MRPL47: variants seen among roughly 807,000 people sequenced by gnomAD.
The protein encoded by MRPL47 is large ribosomal subunit protein uL29m.
MRPL47 carries 31 observed loss-of-function variants against 34.0 expected under a neutral mutation model. The observed-to-expected ratio is 0.91, with a 90% CI of 0.68 to 1.23. The LOEUF is 1.23. Among genes scored for constraint, MRPL47 ranks in the 50% most tolerant of loss-of-function variants. The pLI, the probability that MRPL47 is intolerant of heterozygous loss-of-function variation, is 0.00. For missense variants in MRPL47, 328 were observed against 285.8 expected, an observed-to-expected ratio of 1.15 and a Z score of -1.07; for synonymous variants, 106 against 101.6, an observed-to-expected ratio of 1.04 and a Z score of -0.26.
chr3:179,592,610 G>C (rs1718701455), intron 6 of MRPL47, 34 bp downstream of exon 6: 1 of 1,295,428 alleles, frequency 7.7e-7, no homozygotes, highest in Non-Finnish European at 1.1e-6. Flanking sequence ...CTGGTATAAA[G>C]ATAATATGTT....
At chr3:179,593,672 T>C (rs902301579) in intron 5 of MRPL47, 93 bp downstream of exon 5, 5 of 1,200,576 alleles carry the variant, frequency 4.2e-6, no homozygotes, top group African/African-American at 1.6e-5. Flanking sequence ...TTATCTCATA[T>C]GGTACAAATT....
At chr3:179,601,985 T>C (rs898055377) in intron 2 of MRPL47, among the ~76,000 whole-genome samples, 195 bp from the exon 3 acceptor site, 2 of 152,208 alleles carry the variant, frequency 1.3e-5, no homozygotes, top group Admixed American at 1.3e-4. Context: ...TGACTGGCAA[T>C]AGCATTCAAA....
intron 6 of MRPL47, among the ~76,000 whole-genome samples, chr3:179,589,198 A>G (rs1309400170): frequency 6.6e-6 from 1 of 152,190 alleles, no homozygotes; most frequent in Non-Finnish European, 1.5e-5. Context: ...TATACCAACT[A>G]TCCCTATTTC....
At chr3:179,600,717 A>G (rs889423544) in intron 3 of MRPL47, among the ~76,000 whole-genome samples, 7 of 152,180 alleles carry the variant, frequency 4.6e-5, no homozygotes, top group African/African-American at 1.7e-4. Flanking sequence ...AAGTAGACAT[A>G]GTGAAAGAAC....
At chr3:179,590,570 C>G (rs1718651135) in intron 6 of MRPL47, among the ~76,000 whole-genome samples, 1 of 151,856 alleles carries the variant, frequency 6.6e-6, no homozygotes, top group South Asian at 2.1e-4. Context: ...GGAAACAAGG[C>G]AAGAGTTCTG....
intron 3 of MRPL47, among the ~76,000 whole-genome samples, 194 bp from the exon 4 acceptor site, chr3:179,598,965 C>T (rs917594402): frequency 6.6e-6 from 1 of 151,944 alleles, no homozygotes; most frequent in Non-Finnish European, 1.5e-5. Context: ...TCAATACCAG[C>T]CTGGGCAACA....
At chr3:179,604,349 G>T (rs1458143365) in intron 1 of MRPL47, among the ~76,000 whole-genome samples, 178 bp downstream of exon 1, 1 of 152,242 alleles carries the variant, frequency 6.6e-6, no homozygotes, top group African/African-American at 2.4e-5. Context: ...GGAAGGAATA[G>T]AAATGTCGGA....
chr3:179,597,569 G>A (rs1366282149), intron 4 of MRPL47, among the ~76,000 whole-genome samples: 3 of 152,168 alleles, frequency 2.0e-5, no homozygotes, highest in African/African-American at 4.8e-5. Flanking sequence ...AGCACTTTGG[G>A]AGGCTGAGGC....
intron 3 of MRPL47, among the ~76,000 whole-genome samples, chr3:179,600,847 C>G (rs1718910853): frequency 6.6e-6 from 1 of 152,058 alleles, no homozygotes; most frequent in Non-Finnish European, 1.5e-5. Context: ...TCACAGGTCT[C>G]ATTATTCAAG....
chr3:179,591,239 C>G (rs777135759), intron 6 of MRPL47, among the ~76,000 whole-genome samples: 6 of 152,150 alleles, frequency 3.9e-5, no homozygotes, highest in Non-Finnish European at 8.8e-5. Context: ...GCCTTGAATT[C>G]TGATTTCTAG....
chr3:179,599,840 T>G (rs554127235), intron 3 of MRPL47, among the ~76,000 whole-genome samples: 1 of 152,146 alleles, frequency 6.6e-6, no homozygotes, highest in South Asian at 2.1e-4. Context: ...GGAATACGAG[T>G]TGGGGCCAAG....
rs200955249 is a variant in MRPL47 at position 179,601,782 on chromosome 3, A to G, written c.253T>C (p.Trp85Arg). 8.1e-6 allele frequency: 13 copies of G among 1,606,490 alleles called. No homozygotes were observed. Among genetic ancestry groups the G allele is most frequent in the Non-Finnish European group, 1.1e-5 (13 of 1,175,272 alleles). ...TTGTTCCTTAGTTGCTGACAGGTCC[A>G]TGCTGCTCCTATTAAAATAATACAT... ...GQEKVKSGAA[W>R]TCQQLRNKSN... is the part of the protein sequence containing the mutation. The change falls in exon 3 of 7, where the codon TGG (tryptophan) becomes CGG (arginine). Residue 85 changes from tryptophan to arginine, a missense_variant. Coordinates refer to ENST00000476781, the MANE Select transcript of MRPL47 (RefSeq NM_020409.3).
At chr3:179,602,846 T>C in intron 1 of MRPL47, 49 bp from the exon 2 acceptor site, 1 of 1,378,146 alleles carries the variant, frequency 7.3e-7, no homozygotes, top group Non-Finnish European at 1.0e-6. Flanking sequence ...ATATCTGGAT[T>C]TTATAAGCAA....
Position 179,602,632 on chromosome 3 carries a change from G to A in MRPL47, c.244+20C>T. ...GGGTTCCATAAATATATCTAATGTT[G>A]ACAAATCCAAGTATCTCACCAGATT... On this transcript the variant is annotated intron_variant, in intron 2 of 6. Coordinates refer to ENST00000476781, the MANE Select transcript of MRPL47 (RefSeq NM_020409.3). 6.9e-7 allele frequency: 1 copy of A among 1,454,198 alleles called. No individual in the cohort carries two copies. The highest frequency in any genetic ancestry group is 9.4e-7 in the Non-Finnish European group (1 of 1,062,688). The allele number at this position is 1,454,198 out of a possible 1,614,324, so 90.1% of individuals were successfully genotyped here.
chr3:179,595,005 G>C (rs1016065370), intron 4 of MRPL47, among the ~76,000 whole-genome samples: 1 of 152,162 alleles, frequency 6.6e-6, no homozygotes, highest in African/African-American at 2.4e-5. Flanking sequence ...ATCTGAAAAA[G>C]ATATGAAAGC....
intron 4 of MRPL47, among the ~76,000 whole-genome samples, chr3:179,594,237 T>C (rs1032889423): frequency 2.6e-5 from 4 of 152,226 alleles, no homozygotes; most frequent in African/African-American, 9.6e-5. Flanking sequence ...GATAATAATT[T>C]GCTATTTTCA....
intron 1 of MRPL47, 78 bp from the exon 2 acceptor site, chr3:179,602,875 A>G: frequency 8.8e-7 from 1 of 1,130,392 alleles, no homozygotes. Context: ...ATCATAATAA[A>G]CATAATCATT....
At chr3:179,604,310 C>T (rs73048742) in intron 1 of MRPL47, among the ~76,000 whole-genome samples, 59 of 152,336 alleles carry the variant, frequency 3.9e-4, no homozygotes, top group African/African-American at 1.4e-3. Flanking sequence ...CATATACTGT[C>T]TTGTCCACAG....
In MRPL47 at chr3:179,601,765, TA is replaced by T. The variant is rs778287208; in HGVS notation, c.269del (p.Leu90GlnfsTer17). 2 of 1,609,360 alleles carry T rather than the reference TA, an allele frequency of 1.2e-6. No homozygotes were observed. The highest frequency in any genetic ancestry group is 2.2e-5 in the East Asian group (1 of 44,776). ...GTAAATCTTCATTACTTTTGTTCCT[TA>T]GTTGCTGACAGGTCCATGCTGCTCC... is the stretch of plus-strand genomic sequence containing the variant. Reference protein sequence around the residue: ...KSGAAWTCQQLRNKSNEDLHK... With the variant: ...KSGAAWTCQQXRNKSNEDLHK... On this transcript the variant is annotated frameshift_variant, in exon 3 of 7. Transcript: ENST00000476781. LOFTEE classifies it high-confidence loss of function.
Sources: allele counts gnomAD v4.1 joint callset (sites outside exome capture counted in the v4.1 genomes callset), GRCh38; gene constraint gnomAD v4.1.1; transcripts MANE v1.5; gene names NCBI Gene and HGNC (gene_info 2026-07-23, HGNC 2026-07-21).